MARCHF1: variants seen among roughly 807,000 people sequenced by gnomAD.
The protein encoded by MARCHF1 is membrane associated ring-CH-type finger 1, also known as E3 ubiquitin-protein ligase MARCHF1.
In MARCHF1, 40 loss-of-function variants were observed where a neutral mutation model predicts 54.2. The ratio of observed to expected loss-of-function variants is 0.74; its 90% CI spans 0.57 to 0.96. The LOEUF (loss-of-function observed/expected upper bound fraction) is 0.96. Among genes scored for constraint, MARCHF1 ranks in the 40% least tolerant of loss-of-function variants. The pLI is 0.00. For missense variants in MARCHF1, 586 were observed against 656.5 expected (o/e 0.89, Z 1.17); for synonymous variants, 236 against 236.3 (o/e 1.00, Z 0.01).
chr4:164,245,490 A>T (rs1732919513), intron 1 of MARCHF1, among the ~76,000 whole-genome samples: 1 of 152,048 alleles, frequency 6.6e-6, no homozygotes, highest in South Asian at 2.1e-4. Context: ...CACAGCCAAT[A>T]TCATACTGAA....
At chr4:164,285,477 C>T (rs1734119322) in intron 1 of MARCHF1, among the ~76,000 whole-genome samples, 1 of 151,988 alleles carries the variant, frequency 6.6e-6, no homozygotes, top group Non-Finnish European at 1.5e-5. Context: ...GAGTTTCGCT[C>T]TGTCGCCCAG....
chr4:164,342,435 C>G (rs888952965), intron 1 of MARCHF1, among the ~76,000 whole-genome samples: 14 of 151,868 alleles, frequency 9.2e-5, no homozygotes, highest in Admixed American at 8.5e-4. Flanking sequence ...AAACTACACC[C>G]ATTAACTCGT....
chr4:163,783,259 C>T (rs1376164023), intron 4 of MARCHF1, among the ~76,000 whole-genome samples: 1 of 152,130 alleles, frequency 6.6e-6, no homozygotes, highest in African/African-American at 2.4e-5. Flanking sequence ...TATCACAAAG[C>T]CTAGGAAATG....
At chr4:164,013,873 G>T (rs1753479864) in intron 2 of MARCHF1, among the ~76,000 whole-genome samples, 1 of 152,030 alleles carries the variant, frequency 6.6e-6, no homozygotes, top group African/African-American at 2.4e-5. Context: ...TAAAAGACAT[G>T]CTAAAGGGAG....
intron 2 of MARCHF1, among the ~76,000 whole-genome samples, chr4:164,101,633 C>T (rs1208165126): frequency 7.9e-6 from 1 of 127,228 alleles, no homozygotes; most frequent in East Asian, 2.1e-4. Flanking sequence ...CATCAAAGAC[C>T]AAAAGTAGAT....
intron 3 of MARCHF1, among the ~76,000 whole-genome samples, chr4:163,879,271 G>A (rs1490528687): frequency 6.6e-6 from 1 of 152,116 alleles, no homozygotes; most frequent in Admixed American, 6.6e-5. Context: ...GGAATTCCTG[G>A]GTTTGAGGGT....
At chr4:164,276,015 T>C (rs973852233) in intron 1 of MARCHF1, among the ~76,000 whole-genome samples, 12 of 152,154 alleles carry the variant, frequency 7.9e-5, no homozygotes, top group African/African-American at 2.9e-4. Flanking sequence ...CTTCTAAACA[T>C]GCCACCATAG....
chr4:163,542,648 C>T (rs1301337500), intron 9 of MARCHF1, among the ~76,000 whole-genome samples: 2 of 152,174 alleles, frequency 1.3e-5, no homozygotes, highest in African/African-American at 2.4e-5. Context: ...AGTGACTCTC[C>T]ATCCTTAGCC....
At chr4:163,627,874 T>C (rs1324227945) in intron 5 of MARCHF1, among the ~76,000 whole-genome samples, 1 of 151,898 alleles carries the variant, frequency 6.6e-6, no homozygotes, top group Non-Finnish European at 1.5e-5. Context: ...AATAAACACA[T>C]AGCCACATGC....
At chr4:163,538,620 C>T (rs1738616571) in intron 9 of MARCHF1, among the ~76,000 whole-genome samples, 1 of 152,180 alleles carries the variant, frequency 6.6e-6, no homozygotes, top group South Asian at 2.1e-4. Context: ...AATGGCTTCT[C>T]AAGAGTAGTT....
At chr4:163,700,774 G>A in intron 5 of MARCHF1, 39 bp downstream of exon 5, 1 of 1,447,334 alleles carries the variant, frequency 6.9e-7, no homozygotes, top group Non-Finnish European at 9.4e-7. Flanking sequence ...CTCATGAAGT[G>A]CAGAAGTCAA....
At chr4:163,854,339 T>A (rs1452142799) in intron 3 of MARCHF1, among the ~76,000 whole-genome samples, 170 bp from the exon 4 acceptor site, 1 of 152,134 alleles carries the variant, frequency 6.6e-6, no homozygotes, top group East Asian at 1.9e-4. Context: ...ATTACTAATA[T>A]CCTAGAGTCA....
chr4:164,224,242 GTTTT>G (rs11309501), intron 1 of MARCHF1, among the ~76,000 whole-genome samples: 2 of 147,662 alleles, frequency 1.4e-5, no homozygotes, highest in African/African-American at 5.0e-5. Flanking sequence ...AATATTATGA[GTTTT>G]TTTTTTTGCG....
intron 1 of MARCHF1, among the ~76,000 whole-genome samples, chr4:164,187,283 T>C (rs1408011148): frequency 6.6e-6 from 1 of 152,070 alleles, no homozygotes; most frequent in East Asian, 1.9e-4. Flanking sequence ...CTCCTGGAGA[T>C]GTTCCAGGGT....
At chr4:163,594,753 AACACAAACACAC>A (rs1560962614) in intron 7 of MARCHF1, among the ~76,000 whole-genome samples, 3 of 141,964 alleles carry the variant, frequency 2.1e-5, no homozygotes, top group African/African-American at 2.9e-5. Context: ...CTATTATCAA[AACACAAACACAC>A]ACACACACAC....
intron 3 of MARCHF1, among the ~76,000 whole-genome samples, chr4:163,930,378 A>G (rs1209381468): frequency 6.6e-6 from 1 of 151,698 alleles, no homozygotes; most frequent in Non-Finnish European, 1.5e-5. Context: ...ACCTCAGGAG[A>G]GTTGGGACTC....
chr4:163,574,237 C>A (rs542079024), intron 8 of MARCHF1, among the ~76,000 whole-genome samples: 2 of 151,430 alleles, frequency 1.3e-5, no homozygotes, highest in African/African-American at 2.4e-5. Flanking sequence ...GATTAGGTTG[C>A]GAAAATTTTC....
chr4:163,812,861 T>A (rs1748431044), intron 4 of MARCHF1, among the ~76,000 whole-genome samples: 1 of 152,172 alleles, frequency 6.6e-6, no homozygotes, highest in Admixed American at 6.5e-5. Context: ...TTTTAGAAAG[T>A]AATATGATAA....
At position 163,615,217 on chromosome 4, in the gene MARCHF1, G is replaced by A. The variant is rs753188340; in HGVS notation, c.163-1824C>T. ...AGGTGGGGTGATCCCTATGATAGTA[G>A]TTATAGGAAATTAATAAGGAGGTAA... On this transcript the variant is annotated intron_variant, in intron 5 of 9. Coordinates refer to ENST00000514618, the MANE Select transcript of MARCHF1 (RefSeq NM_001394959.1). Among the ~76,000 whole-genome samples the A allele has an allele frequency of 1.6e-4, 24 of 152,100 alleles. 1 individual carries two copies. Among genetic ancestry groups the A allele is most frequent in the African/African-American group, 5.8e-4 (24 of 41,504 alleles).
Sources: allele counts gnomAD v4.1 joint callset (sites outside exome capture counted in the v4.1 genomes callset), GRCh38; gene constraint gnomAD v4.1.1; transcripts MANE v1.5; gene names NCBI Gene and HGNC (gene_info 2026-07-23, HGNC 2026-07-21).